BPIFB1: variants seen among roughly 807,000 people sequenced by gnomAD.
BPIFB1 encodes BPI fold containing family B member 1.
A neutral mutation model predicts 55.1 loss-of-function variants in BPIFB1; 34 were observed. The observed-to-expected ratio is 0.62, with a 90% confidence interval of 0.47 to 0.82. The LOEUF is 0.82. Among genes scored for constraint, BPIFB1 ranks in the 40% least tolerant of loss-of-function variants. The pLI, the probability that BPIFB1 is intolerant of heterozygous loss-of-function variation, is 0.00. For synonymous variants in BPIFB1, 236 were observed against 245.3 expected, an observed-to-expected ratio of 0.96 and a Z score of 0.35; for missense variants, 532 against 593.1, an observed-to-expected ratio of 0.90 and a Z score of 1.07.
rs910773571 is a variant in BPIFB1 at position 33,295,006 on chromosome 20, G to C, written c.598-2519G>C. On this transcript the variant is annotated intron_variant, in intron 6 of 15. Coordinates refer to ENST00000253354, the MANE Select transcript of BPIFB1 (RefSeq NM_033197.3). ...AAGGCAGGAGGATCCCCTGAGATCA[G>C]GAGCTTGAGACCAGGCTGGCCAACA... is the stretch of plus-strand genomic sequence containing the variant. 6.6e-5 allele frequency among the ~76,000 whole-genome samples: 10 copies of C among 152,144 alleles called. No homozygotes were observed. In the South Asian group the frequency reaches 8.3e-4, roughly 13 times the overall value.
intron 5 of BPIFB1, among the ~76,000 whole-genome samples, chr20:33,291,489 TG>T (rs1980471159): frequency 6.6e-6 from 1 of 152,226 alleles, no homozygotes; most frequent in Admixed American, 6.5e-5. Context: ...GTGGCCACCC[TG>T]TGTCTCACTT....
At chr20:33,308,909 TACAC>T (rs1185147576) in intron 15 of BPIFB1, among the ~76,000 whole-genome samples, 1 of 145,084 alleles carries the variant, frequency 6.9e-6, no homozygotes, top group Non-Finnish European at 1.5e-5. Flanking sequence ...TACACACACA[TACAC>T]AGAGACGCAC....
rs71870806 is a variant in BPIFB1 at position 33,285,717 on chromosome 20, C to CAA, written c.-41-302_-41-301dup. On this transcript the variant is annotated intron_variant, in intron 1 of 15. Coordinates refer to ENST00000253354, the MANE Select transcript of BPIFB1 (RefSeq NM_033197.3). ...TGGGTGACAGAGCGAGACTCTGTCT[C>CAA]AAAAAAAAAAAAAAAGAAAGAAAAT... is the stretch of plus-strand genomic sequence containing the variant. Among the ~76,000 whole-genome samples the CAA allele has an allele frequency of 2.0e-3, 220 of 108,324 alleles. 2 individuals carry two copies. Among genetic ancestry groups the CAA allele is most frequent in the African/African-American group, 6.0e-3 (192 of 31,886 alleles). 71.1% of individuals were successfully genotyped at this position (108,324 alleles called of 152,430 possible).
At chr20:33,291,357 G>C in intron 5 of BPIFB1, among the ~76,000 whole-genome samples, 1 of 152,226 alleles carries the variant, frequency 6.6e-6, no homozygotes, top group Non-Finnish European at 1.5e-5. Context: ...ATCTTTGAAG[G>C]GGGAGGCCTA....
In BPIFB1 at chr20:33,289,995, G is replaced by T. The variant is rs1180608543; in HGVS notation, c.365+3G>T. The T allele has an allele frequency of 1.2e-6, 2 of 1,611,598 alleles. No homozygotes were observed. Among genetic ancestry groups the T allele is most frequent in the Non-Finnish European group, 1.7e-6 (2 of 1,177,680 alleles). On this transcript the variant is annotated splice_donor_region_variant and intron_variant, in intron 4 of 15. Transcript: ENST00000253354. The stretch of plus-strand genomic sequence containing the variant: ...GACATGGTGGCTGGATTCAACACGT[G>T]AGTGACCCCTCCATCAAGTACAGTA...
intron 7 of BPIFB1, chr20:33,299,043 C>T (rs1462051410): frequency 5.6e-6 from 2 of 354,360 alleles, no homozygotes; most frequent in Non-Finnish European, 1.2e-5. Context: ...GAGTCATGCT[C>T]ATCGTCTCTA....
chr20:33,288,812 C>G lies in BPIFB1; in HGVS notation c.187C>G (p.Arg63Gly). 1.2e-6 allele frequency: 2 copies of G among 1,613,976 alleles called. No individual in the cohort carries two copies. The highest frequency in any genetic ancestry group is 1.7e-6 in the Non-Finnish European group (2 of 1,180,024). The change falls in exon 3 of 16, where the codon CGG (arginine) becomes GGG (glycine). Residue 63 changes from arginine (R) to glycine (G), a missense_variant. Physicochemically the swap from Arg to Gly is moderately radical, Grantham distance 125. Coordinates refer to ENST00000253354, the MANE Select transcript of BPIFB1 (RefSeq NM_033197.3). ...GCAGCTGCCGCTGCTCAGTGCCATG[C>G]GGGAAAAGCCAGCCGGAGGCATCCC... is the stretch of plus-strand genomic sequence containing the variant. Reference protein sequence around the residue: ...LQQLPLLSAMREKPAGGIPVL... With the variant: ...LQQLPLLSAMGEKPAGGIPVL...
intron 14 of BPIFB1, 39 bp from the exon 15 acceptor site, chr20:33,306,872 C>T: frequency 4.4e-6 from 7 of 1,576,414 alleles, no homozygotes; most frequent in Non-Finnish European, 5.2e-6. Context: ...CCAGTCTCAC[C>T]CCAGGCCCAT....
rs374154479 is a variant in BPIFB1, at chr20:33,292,336, G to A, written c.597+348G>A. Among the ~76,000 whole-genome samples the A allele has an allele frequency of 7.2e-5, 11 of 152,280 alleles. No homozygotes were observed. In the East Asian group the frequency reaches 2.1e-3, roughly 29 times the overall value. On this transcript the variant is annotated intron_variant, in intron 6 of 15. Transcript: ENST00000253354. ...ACTCCCTTCAGGGCCAATTTTAGGCGACCAGTGTGATGTCACTGAACAGAG... is the reference window on the plus strand; with the variant it reads ...ACTCCCTTCAGGGCCAATTTTAGGCAACCAGTGTGATGTCACTGAACAGAG...
intron 11 of BPIFB1, 36 bp from the exon 12 acceptor site, chr20:33,303,922 T>C: frequency 6.2e-7 from 1 of 1,611,662 alleles, no homozygotes; most frequent in Non-Finnish European, 8.5e-7. Context: ...TCGGATCCTC[T>C]TGAGAACAAT....
intron 8 of BPIFB1, among the ~76,000 whole-genome samples, chr20:33,300,793 G>T (rs1472586459): frequency 6.6e-6 from 1 of 152,122 alleles, no homozygotes; most frequent in Non-Finnish European, 1.5e-5. Context: ...CCGCCATGTT[G>T]CCCAGGCTGG....
intron 8 of BPIFB1, among the ~76,000 whole-genome samples, chr20:33,300,693 CCT>C (rs1455793085): frequency 3.9e-5 from 6 of 152,116 alleles, no homozygotes; most frequent in Non-Finnish European, 8.8e-5. Flanking sequence ...CTCAAGCGAT[CCT>C]CTCACCTCAA....
At chr20:33,290,432 TG>T (rs1980429219) in intron 4 of BPIFB1, among the ~76,000 whole-genome samples, 1 of 152,106 alleles carries the variant, frequency 6.6e-6, no homozygotes, top group Non-Finnish European at 1.5e-5. Flanking sequence ...GAGGAGATAA[TG>T]ATGGCTTAGA....
At position 33,283,935 on chromosome 20, in the gene BPIFB1, C is replaced by T. The variant is rs370547873; in HGVS notation, c.-42+681C>T. On this transcript the variant is annotated intron_variant, in intron 1 of 15. Transcript: ENST00000253354. ...AGCAGTGTGTACAGATAATGCAGGA[C>T]AGACAGAGTCAAGGTATTTGCAAGG... 1.2e-4 allele frequency among the ~76,000 whole-genome samples: 18 copies of T among 152,220 alleles called. No homozygotes were observed. The South Asian group carries it at 2.7e-3, about 23-fold the overall frequency.
chr20:33,288,954 C>A, intron 3 of BPIFB1, 72 bp downstream of exon 3: 1 of 1,492,624 alleles, frequency 6.7e-7, no homozygotes, highest in South Asian at 1.3e-5. Flanking sequence ...TCTGCATGCT[C>A]AGTCAACCAG....
chr20:33,308,529 CAT>C (rs1391921461), intron 15 of BPIFB1, among the ~76,000 whole-genome samples: 1 of 136,768 alleles, frequency 7.3e-6, no homozygotes, highest in South Asian at 2.2e-4. Context: ...CCTTTATACA[CAT>C]ACATACACAC....
chr20:33,299,173 G>A (rs1349460266), intron 7 of BPIFB1: 1 of 456,728 alleles, frequency 2.2e-6, no homozygotes, highest in East Asian at 6.9e-5. Flanking sequence ...TCAAACCGAA[G>A]TCCAGCTGGC....
chr20:33,295,632 A>C (rs1172289609), intron 6 of BPIFB1, among the ~76,000 whole-genome samples: 1 of 151,148 alleles, frequency 6.6e-6, no homozygotes, highest in Admixed American at 6.6e-5. Flanking sequence ...CGAAAGAAGA[A>C]AGAAAGAGAG....
chr20:33,291,953 C>T lies in BPIFB1; in HGVS notation c.562C>T (p.Leu188=). 2 of 1,614,238 alleles carry T rather than the reference C, an allele frequency of 1.2e-6. No homozygotes were observed. The highest frequency in any genetic ancestry group is 1.7e-6 in the Non-Finnish European group (2 of 1,180,028). ...CTTAGCTAAGCAGGTCATGAACCTC[C>T]TAGTGCCATCCCTGCCCAATCTAGT... ...NALAKQVMNL[L]VPSLPNLVKN... is the part of the protein sequence containing the mutation. Residue 188 remains leucine, a synonymous_variant, in exon 6 of 16, where the codon CTA becomes TTA. Coordinates refer to ENST00000253354, the MANE Select transcript of BPIFB1 (RefSeq NM_033197.3).
Sources: gnomAD v4.1 joint callset for allele counts (sites outside exome capture counted in the v4.1 genomes callset) on GRCh38, gnomAD v4.1.1 for gene constraint, MANE v1.5 for transcripts, NCBI Gene and HGNC (gene_info 2026-07-23, HGNC 2026-07-21) for gene names.